The following FARP1 variants were observed in gnomAD, a reference collection of about 807,000 sequenced individuals.
FARP1 encodes FERM, ARHGEF and pleckstrin domain-containing protein 1.
Under a neutral mutation model 128.8 loss-of-function variants are expected in FARP1, and 52 were observed. The ratio of observed to expected loss-of-function variants is 0.40; its 90% CI spans 0.32 to 0.51. The LOEUF is 0.51. Among genes scored for constraint, FARP1 ranks in the 20% least tolerant of loss-of-function variants. The probability of loss-of-function intolerance (pLI) is 0.45; values close to 1 mark genes in which losing one functional copy is unlikely to be tolerated. For synonymous variants in FARP1, 580 were observed against 551.8 expected, an observed-to-expected ratio of 1.05 and a Z score of -0.72; for missense variants, 1,333 against 1,367.9, an observed-to-expected ratio of 0.97 and a Z score of 0.40.
rs774776414 is a variant in FARP1 at position 98,453,186 on chromosome 13, G to C, written c.*4869G>C. The C allele has an allele frequency of 1.2e-5, 20 of 1,613,632 alleles. No individual in the cohort carries two copies. Among genetic ancestry groups the C allele is most frequent in the Non-Finnish European group, 1.7e-5 (20 of 1,179,818 alleles). On this transcript the variant is annotated 3_prime_UTR_variant, in exon 27 of 27. Transcript: ENST00000319562. Reference sequence around the variant, plus strand: ...GCCAAAGGAATTTCAGTGGGATGAAGTTCCTCCACCACTTAGAGAGTATCT... The same window carrying C: ...GCCAAAGGAATTTCAGTGGGATGAACTTCCTCCACCACTTAGAGAGTATCT...
chr13:98,423,235 C>A (rs528059838), intron 16 of FARP1, among the ~76,000 whole-genome samples: 3 of 152,202 alleles, frequency 2.0e-5, no homozygotes, highest in African/African-American at 7.2e-5. Flanking sequence ...CTTTTGGCAA[C>A]ACCATCACAG....
chr13:98,424,197 A>G (rs1210786260), intron 16 of FARP1, among the ~76,000 whole-genome samples: 2 of 152,234 alleles, frequency 1.3e-5, no homozygotes, highest in Non-Finnish European at 2.9e-5. Flanking sequence ...GAATCTGTTT[A>G]CAAGCTACTT....
intron 2 of FARP1, among the ~76,000 whole-genome samples, chr13:98,300,367 A>G (rs962161263): frequency 1.3e-5 from 2 of 152,182 alleles, no homozygotes; most frequent in Non-Finnish European, 2.9e-5. Context: ...CAGCCTTGGT[A>G]GCAGTCATCC....
At chr13:98,420,814 T>C (rs1181054856) in intron 16 of FARP1, among the ~76,000 whole-genome samples, 1 of 152,210 alleles carries the variant, frequency 6.6e-6, no homozygotes, top group African/African-American at 2.4e-5. Context: ...GATAATACAG[T>C]GACCTTTTAG....
At chr13:98,374,324 T>A (rs1213424231) in intron 5 of FARP1, among the ~76,000 whole-genome samples, 1 of 152,216 alleles carries the variant, frequency 6.6e-6, no homozygotes, top group Non-Finnish European at 1.5e-5. Flanking sequence ...CTCTGGAGGC[T>A]GAGGCAGGAG....
chr13:98,353,946 A>G (rs977291472), intron 3 of FARP1, among the ~76,000 whole-genome samples: 11 of 152,262 alleles, frequency 7.2e-5, no homozygotes, highest in African/African-American at 2.7e-4. Flanking sequence ...AATGAAAATT[A>G]AACAAATGAT....
chr13:98,428,334 C>A (rs769262168), intron 17 of FARP1, among the ~76,000 whole-genome samples: 1 of 152,040 alleles, frequency 6.6e-6, no homozygotes, highest in Non-Finnish European at 1.5e-5. Flanking sequence ...CAAGTGGGGA[C>A]CTTCATTCCT....
At chr13:98,148,408 G>T (rs925497814) in intron 1 of FARP1, among the ~76,000 whole-genome samples, 1 of 152,104 alleles carries the variant, frequency 6.6e-6, no homozygotes, top group Admixed American at 6.6e-5. Context: ...AAAGCATGAA[G>T]AAGAAAATAA....
intron 1 of FARP1, chr13:98,177,307 G>C: frequency 7.8e-7 from 1 of 1,282,422 alleles, no homozygotes; most frequent in East Asian, 2.4e-5. Context: ...GCTGCACGTG[G>C]GGCGTGGGCC....
intron 16 of FARP1, among the ~76,000 whole-genome samples, chr13:98,419,845 A>G (rs1891529557): frequency 6.6e-6 from 1 of 152,172 alleles, no homozygotes; most frequent in African/African-American, 2.4e-5. Flanking sequence ...CACCGCTGGC[A>G]TGTGTGCTCT....
chr13:98,157,215 A>T (rs1480008399), intron 1 of FARP1, among the ~76,000 whole-genome samples: 1 of 152,194 alleles, frequency 6.6e-6, no homozygotes, highest in East Asian at 1.9e-4. Context: ...GTGTGAGATC[A>T]TGTTACTGTT....
chr13:98,287,761 G>C (rs1033963273), intron 2 of FARP1, among the ~76,000 whole-genome samples: 1 of 148,650 alleles, frequency 6.7e-6, no homozygotes, highest in Admixed American at 6.7e-5. Context: ...TGTGCCGTTT[G>C]ACAGCTTGAA....
At chr13:98,350,397 C>T (rs886115513) in intron 3 of FARP1, among the ~76,000 whole-genome samples, 13 of 152,136 alleles carry the variant, frequency 8.5e-5, no homozygotes, top group South Asian at 2.1e-4. Context: ...ATACTGTTCC[C>T]GCTCTGTCCG....
At chr13:98,240,009 G>T (rs1019029692) in intron 2 of FARP1, among the ~76,000 whole-genome samples, 2 of 152,148 alleles carry the variant, frequency 1.3e-5, no homozygotes, top group African/African-American at 4.8e-5. Context: ...GATATCCGTG[G>T]TGATCCCTCC....
chr13:98,444,915 A>G (rs776115699), intron 24 of FARP1, among the ~76,000 whole-genome samples: 3 of 152,196 alleles, frequency 2.0e-5, no homozygotes, highest in Non-Finnish European at 4.4e-5. Context: ...CCTTCTGGGA[A>G]CCTGGAGCCT....
intron 11 of FARP1, 54 bp downstream of exon 11, chr13:98,390,934 T>A: frequency 8.3e-7 from 1 of 1,212,102 alleles, no homozygotes; most frequent in Non-Finnish European, 1.2e-6. Flanking sequence ...ACTCGCCAGG[T>A]AACAGTTTGT....
intron 2 of FARP1, among the ~76,000 whole-genome samples, chr13:98,275,627 TC>T (rs373948392): frequency 0.055 from 4,506 of 82,418 alleles, 95 homozygotes; most frequent in South Asian, 0.072. Flanking sequence ...TCTCTTTCTC[TC>T]TTTTTTTTTT....
intron 1 of FARP1, among the ~76,000 whole-genome samples, chr13:98,188,565 GA>G (rs560043288): frequency 6.7e-6 from 1 of 150,026 alleles, no homozygotes; most frequent in African/African-American, 2.4e-5. Flanking sequence ...CGTCTCAAAA[GA>G]AAAAAAAAGG....
At chr13:98,178,394 C>T (rs1418730488) in intron 1 of FARP1, among the ~76,000 whole-genome samples, 1 of 152,086 alleles carries the variant, frequency 6.6e-6, no homozygotes, top group Non-Finnish European at 1.5e-5. Context: ...CAGGGTTTCA[C>T]CATGTTGGCC....
Sources: allele counts gnomAD v4.1 joint callset (sites outside exome capture counted in the v4.1 genomes callset), GRCh38; gene constraint gnomAD v4.1.1; transcripts MANE v1.5; gene names NCBI Gene and HGNC (gene_info 2026-07-23, HGNC 2026-07-21).